Variants in CREB3L3 observed in about 807,000 individuals in gnomAD.
CREB3L3 encodes the protein cAMP responsive element binding protein 3 like 3.
CREB3L3 carries 40 observed loss-of-function variants against 44.6 expected under a neutral mutation model. The observed-to-expected ratio is 0.90, with a 90% confidence interval of 0.70 to 1.17. The LOEUF is 1.17. CREB3L3 is among the 50% of genes most tolerant of loss of function. The pLI, the probability that CREB3L3 is intolerant of heterozygous loss-of-function variation, is 0.00. For synonymous variants in CREB3L3, 273 were observed against 256.3 expected, an observed-to-expected ratio of 1.06 and a Z score of -0.62; for missense variants, 578 against 595.8, an observed-to-expected ratio of 0.97 and a Z score of 0.31.
rs1248133682 is a variant in CREB3L3 at position 4,171,124 on chromosome 19, C to T, written c.924C>T (p.Ala308=). The part of the protein sequence containing the change: ...SLLEQLKKLQ[A]IVVQSTSKSA... Reference sequence around the variant, plus strand: ...TGGAGCAACTGAAGAAACTCCAGGCCATTGTGGTGCAGTCCACCAGCAAGT... The same window carrying T: ...TGGAGCAACTGAAGAAACTCCAGGCTATTGTGGTGCAGTCCACCAGCAAGT... The change falls in exon 8 of 10, where the codon GCC becomes GCT. Residue 308 remains alanine (A), a synonymous_variant. Transcript: ENST00000078445. This position sits in a 1 kb window ranked among gnomAD's most constrained non-coding sequence, Gnocchi z 4.9. The T allele has an allele frequency of 5.0e-6, 8 of 1,613,952 alleles. No homozygotes were observed. In the African/African-American group the frequency reaches 1.1e-4, roughly 22 times the overall value.
At position 4,156,872 on chromosome 19, in the gene CREB3L3, C is replaced by T. The variant is rs63310862; in HGVS notation, c.157-123C>T. Reference sequence around the variant, plus strand: ...GCCCCGGGAGGAAGAAGCAGTAACTCATCTTGGAGAAGGGAAGGACACCTA... The same window carrying T: ...GCCCCGGGAGGAAGAAGCAGTAACTTATCTTGGAGAAGGGAAGGACACCTA... On this transcript the variant is annotated intron_variant, in intron 2 of 9. Transcript: ENST00000078445. 0.37 allele frequency: 362,237 copies of T among 974,540 alleles called. 71,883 individuals carry two copies. Among genetic ancestry groups the T allele is most frequent in the East Asian group, 0.73 (29,208 of 40,234 alleles). The allele number at this position is 974,540 out of a possible 1,614,324, so 60.4% of individuals were successfully genotyped here.
In CREB3L3 at chr19:4,171,869, CAG is replaced by C; in HGVS notation, c.1289_1290del (p.Glu430GlyfsTer63). The C allele has an allele frequency of 6.2e-7, 1 of 1,613,474 alleles. No individual in the cohort carries two copies. The highest frequency in any genetic ancestry group is 8.5e-7 in the Non-Finnish European group (1 of 1,179,968). On this transcript the variant is annotated frameshift_variant, in exon 10 of 10. Coordinates refer to ENST00000078445, the MANE Select transcript of CREB3L3 (RefSeq NM_032607.3). LOFTEE classifies it low-confidence loss of function (END_TRUNC). This position sits in a 1 kb window ranked among gnomAD's most constrained non-coding sequence, Gnocchi z 4.9. ...GCCACCCTGGTCCTGAGGAATGCAA[CAG>C]AGGGGCTGGGCCAGGTCGCCCTGCT...
At chr19:4,163,943 T>C (rs183883714) in intron 4 of CREB3L3, among the ~76,000 whole-genome samples, 2 of 151,266 alleles carry the variant, frequency 1.3e-5, no homozygotes, top group African/African-American at 4.8e-5. Flanking sequence ...TAGCTGGGAT[T>C]ACAGGCGCCG....
At chr19:4,156,945 A>C (rs769871861) in intron 2 of CREB3L3, 50 bp from the exon 3 acceptor site, 3 of 1,599,156 alleles carry the variant, frequency 1.9e-6, no homozygotes, top group Non-Finnish European at 2.6e-6. Flanking sequence ...CACTAATCTA[A>C]AAAGAGTGAG....
At position 4,161,844 on chromosome 19, in the gene CREB3L3, G is replaced by A. The variant is rs1440719011; in HGVS notation, c.576+2062G>A. ...TAGGATCTGATGGTCAGGATGGGGC[G>A]ATGTACTGTTCATTAAGGTGTACAG... is the stretch of plus-strand genomic sequence containing the variant. On this transcript the variant is annotated intron_variant, in intron 4 of 9. Coordinates refer to ENST00000078445, the MANE Select transcript of CREB3L3 (RefSeq NM_032607.3). Among the ~76,000 whole-genome samples the A allele has an allele frequency of 3.9e-5, 6 of 152,250 alleles. 1 individual carries two copies. Among genetic ancestry groups the A allele is most frequent in the African/African-American group, 2.4e-5 (1 of 41,558 alleles).
intron 3 of CREB3L3, among the ~76,000 whole-genome samples, chr19:4,159,073 G>A (rs1344692920): frequency 3.3e-5 from 5 of 152,204 alleles, no homozygotes; most frequent in South Asian, 2.1e-4. Context: ...TGAATCAGCC[G>A]GTGTCTCCTG....
chr19:4,157,679 T>C (rs374007673), intron 3 of CREB3L3, among the ~76,000 whole-genome samples: 1 of 152,012 alleles, frequency 6.6e-6, no homozygotes, highest in Non-Finnish European at 1.5e-5. Flanking sequence ...GATTTTTTTT[T>C]ATTTTTTATT....
intron 3 of CREB3L3, 118 bp downstream of exon 3, chr19:4,157,413 G>A: frequency 8.6e-7 from 1 of 1,167,068 alleles, no homozygotes; most frequent in Non-Finnish European, 1.3e-6. Flanking sequence ...ACAGCAATTT[G>A]GAGCTGGGCC....
intron 4 of CREB3L3, among the ~76,000 whole-genome samples, chr19:4,162,003 T>C (rs1221015521): frequency 1.3e-5 from 2 of 152,076 alleles, no homozygotes; most frequent in Non-Finnish European, 2.9e-5. Context: ...CTTATTTTGT[T>C]TTATTTTATT....
intron 3 of CREB3L3, 143 bp from the exon 4 acceptor site, chr19:4,159,521 G>GGA: frequency 1.5e-6 from 1 of 684,694 alleles, no homozygotes; most frequent in Non-Finnish European, 2.7e-6. Context: ...TCAGGCCTTG[G>GGA]GGACTCCAAA....
chr19:4,168,072 C>T (rs900289455), intron 5 of CREB3L3, among the ~76,000 whole-genome samples: 1 of 151,432 alleles, frequency 6.6e-6, no homozygotes, highest in African/African-American at 2.4e-5. Context: ...GATCTTGGCT[C>T]ACTGCAACCT....
chr19:4,169,540 T>C (rs1033474535), intron 6 of CREB3L3, among the ~76,000 whole-genome samples: 4 of 151,356 alleles, frequency 2.6e-5, no homozygotes, highest in African/African-American at 4.9e-5. Context: ...TGTCCTGATA[T>C]TTCATCTTCT....
chr19:4,166,589 T>C (rs1599341923), intron 5 of CREB3L3, among the ~76,000 whole-genome samples: 1 of 149,692 alleles, frequency 6.7e-6, no homozygotes, highest in East Asian at 2.0e-4. Flanking sequence ...AGAGACAGGG[T>C]CTTGCTATGT....
rs147326476 is a variant in CREB3L3 at position 4,157,444 on chromosome 19, G to A, written c.457+149G>A. 1.4e-4 allele frequency: 123 copies of A among 850,712 alleles called. 1 individual carries two copies. In the East Asian group the frequency reaches 2.9e-3, roughly 20 times the overall value. The allele number at this position is 850,712 out of a possible 1,614,324, so 52.7% of individuals were successfully genotyped here. On this transcript the variant is annotated intron_variant, in intron 3 of 9. Coordinates refer to ENST00000078445, the MANE Select transcript of CREB3L3 (RefSeq NM_032607.3). ...GGGCCCAGACTCAAACTCAGGACAC[G>A]TGTCTCCCTTGGCTAGGTGTTTCCA...
rs1432465022 is a variant in CREB3L3, at chr19:4,164,632, C to T, written c.706C>T (p.Leu236Phe). 6 of 1,614,078 alleles carry T rather than the reference C, an allele frequency of 3.7e-6. No individual in the cohort carries two copies. The highest frequency in any genetic ancestry group is 1.7e-4 in the Middle Eastern group (1 of 6,048). Reference protein sequence around the residue: ...EGITLPTQLPLTKYEERVLKK... With the variant: ...EGITLPTQLPFTKYEERVLKK... ...CATCACCCTGCCCACTCAGCTGCCC[C>T]TCACTAAGGTGAGTCTGGGGGGACT... Residue 236 changes from leucine (L) to phenylalanine (F), a missense_variant, in exon 5 of 10, where the codon CTC becomes TTC. Leu to Phe is a conservative substitution (Grantham distance 22, BLOSUM62 0). Transcript: ENST00000078445.
At position 4,158,913 on chromosome 19, in the gene CREB3L3, T is replaced by C. The variant is rs1208895495; in HGVS notation, c.458-751T>C. 2.0e-5 allele frequency among the ~76,000 whole-genome samples: 3 copies of C among 152,066 alleles called. No individual in the cohort carries two copies. The South Asian group carries it at 6.2e-4, about 32-fold the overall frequency. On this transcript the variant is annotated intron_variant, in intron 3 of 9. Coordinates refer to ENST00000078445, the MANE Select transcript of CREB3L3 (RefSeq NM_032607.3). ...CAAGGGTTACCTGACCCAAAGTTTGTGTGCTGGGACAGCATGCCTACTGCA... is the reference window on the plus strand; with the variant it reads ...CAAGGGTTACCTGACCCAAAGTTTGCGTGCTGGGACAGCATGCCTACTGCA...
Position 4,170,151 on chromosome 19 carries a change from G to A in CREB3L3, c.833G>A (p.Cys278Tyr), listed in dbSNP as rs866575085. Residue 278 changes from cysteine (C) to tyrosine (Y), a missense_variant, in exon 7 of 10, where the codon TGC becomes TAC. By Grantham distance (194) the Cys-to-Tyr change is radical. Coordinates refer to ENST00000078445, the MANE Select transcript of CREB3L3 (RefSeq NM_032607.3). ...CTTCCTCCTTTCAGGATGTCAGCTTGCACTGCTCAGAATCAGGAGTTACAG... is the reference window on the plus strand; with the variant it reads ...CTTCCTCCTTTCAGGATGTCAGCTTACACTGCTCAGAATCAGGAGTTACAG... ...IDGLETRMSA[C>Y]TAQNQELQRK... 6.2e-7 allele frequency: 1 copy of A among 1,614,090 alleles called. No homozygotes were observed. Among genetic ancestry groups the A allele is most frequent in the South Asian group, 1.1e-5 (1 of 91,084 alleles).
At chr19:4,155,661 T>C (rs991660888) in intron 2 of CREB3L3, among the ~76,000 whole-genome samples, 3 of 151,316 alleles carry the variant, frequency 2.0e-5, no homozygotes, top group African/African-American at 7.3e-5. Context: ...CGGCCCACTT[T>C]CTTTTTTTTC....
In CREB3L3 at chr19:4,163,964, C is replaced by T. The variant is rs544759939; in HGVS notation, c.577-539C>T. On this transcript the variant is annotated intron_variant, in intron 4 of 9. Coordinates refer to ENST00000078445, the MANE Select transcript of CREB3L3 (RefSeq NM_032607.3). ...GGATTACAGGCGCCGCCACCATGGT[C>T]GGGTAATTTTTTTTTTTTTTTTTTT... Among the ~76,000 whole-genome samples, 374 of 144,232 alleles carry T rather than the reference C, an allele frequency of 2.6e-3. 1 individual carries two copies. Among genetic ancestry groups the T allele is most frequent in the African/African-American group, 9.1e-3 (357 of 39,102 alleles). The allele number at this position is 144,232 out of a possible 152,430, so 94.6% of individuals were successfully genotyped here. A position where few individuals can be genotyped will look rare whatever the true frequency, so the allele number is the denominator to read the frequency against.
Sources: allele counts gnomAD v4.1 joint callset (sites outside exome capture counted in the v4.1 genomes callset), GRCh38; gene constraint gnomAD v4.1.1; non-coding constraint Gnocchi (gnomAD v3.1); transcripts MANE v1.5; gene names NCBI Gene and HGNC (gene_info 2026-07-23, HGNC 2026-07-21).